Variants in TMEM108 observed in about 807,000 individuals in gnomAD.
TMEM108 encodes cancer/testis antigen 124.
TMEM108 carries 12 observed loss-of-function variants against 35.1 expected under a neutral mutation model. That is an observed-to-expected ratio of 0.34 (90% confidence interval 0.22 to 0.55). TMEM108 has a LOEUF of 0.55. Among genes scored for constraint, TMEM108 ranks in the 20% least tolerant of loss-of-function variants. The pLI, the probability that TMEM108 is intolerant of heterozygous loss-of-function variation, is 0.89. For synonymous variants in TMEM108, 287 were observed against 308.6 expected (o/e 0.93, Z 0.73); for missense variants, 680 against 753.3 (o/e 0.90, Z 1.14).
intron 1 of TMEM108, among the ~76,000 whole-genome samples, chr3:133,042,903 A>G (rs974999975): frequency 1.3e-5 from 2 of 152,236 alleles, no homozygotes; most frequent in African/African-American, 4.8e-5. Context: ...GCTGGGGCCA[A>G]GAAAATTTTC....
chr3:133,147,138 C>G (rs1205611755), intron 2 of TMEM108, among the ~76,000 whole-genome samples: 1 of 152,186 alleles, frequency 6.6e-6, no homozygotes, highest in South Asian at 2.1e-4. Flanking sequence ...TTAGCTGTGT[C>G]CCAGAGATTC....
chr3:133,089,059 T>G (rs576603667), intron 2 of TMEM108, among the ~76,000 whole-genome samples: 1 of 151,846 alleles, frequency 6.6e-6, no homozygotes, highest in East Asian at 1.9e-4. Context: ...CAGAAGTAAG[T>G]GGGGGCGGTG....
chr3:133,171,227 A>G (rs1023451081), intron 2 of TMEM108, among the ~76,000 whole-genome samples: 1 of 152,234 alleles, frequency 6.6e-6, no homozygotes, highest in African/African-American at 2.4e-5. Flanking sequence ...TTTAGTATAA[A>G]TGGATGCATG....
At chr3:133,378,831 A>G (rs1428628142) in intron 3 of TMEM108, among the ~76,000 whole-genome samples, 2 of 150,582 alleles carry the variant, frequency 1.3e-5, no homozygotes, top group Non-Finnish European at 3.0e-5. Context: ...TTAATGTTCA[A>G]AAGGGCTCCT....
chr3:133,188,636 A>G (rs150494477), intron 2 of TMEM108, among the ~76,000 whole-genome samples: 1,620 of 152,236 alleles, frequency 0.011, 35 homozygotes, highest in African/African-American at 0.036. Flanking sequence ...TCAGGACACT[A>G]TTGGCTTCCT....
chr3:133,378,940 C>T (rs1395547211), intron 3 of TMEM108, among the ~76,000 whole-genome samples: 3 of 152,070 alleles, frequency 2.0e-5, no homozygotes, highest in African/African-American at 4.8e-5. Context: ...TGACACCAGC[C>T]GGCATTTGTA....
At chr3:133,336,074 T>C (rs1877584) in intron 3 of TMEM108, among the ~76,000 whole-genome samples, 51,822 of 152,020 alleles carry the variant, frequency 0.34, 9,180 homozygotes, top group East Asian at 0.48. Flanking sequence ...TCTGGCAAGC[T>C]GCACCACTGA....
intron 2 of TMEM108, among the ~76,000 whole-genome samples, chr3:133,056,212 T>C (rs1426044825): frequency 6.7e-6 from 1 of 149,698 alleles, no homozygotes; most frequent in African/African-American, 2.5e-5. Flanking sequence ...TTCCAACTTC[T>C]CTTTCTGAAT....
intron 2 of TMEM108, among the ~76,000 whole-genome samples, chr3:133,079,826 G>C (rs1943787770): frequency 6.6e-6 from 1 of 152,164 alleles, no homozygotes; most frequent in Non-Finnish European, 1.5e-5. Context: ...GCTTGACTGT[G>C]ACCGTCTTGC....
chr3:133,374,445 AT>A (rs1448158607), intron 3 of TMEM108, among the ~76,000 whole-genome samples: 1 of 151,960 alleles, frequency 6.6e-6, no homozygotes, highest in African/African-American at 2.4e-5. Flanking sequence ...ATAAAATTCT[AT>A]TTTTATGAAT....
At chr3:133,188,216 C>A (rs886489377) in intron 2 of TMEM108, among the ~76,000 whole-genome samples, 2 of 152,142 alleles carry the variant, frequency 1.3e-5, no homozygotes, top group Admixed American at 6.6e-5. Context: ...TCGAACCAGG[C>A]GCGTCTGCAC....
At chr3:133,207,336 A>AGG (rs1945772062) in intron 2 of TMEM108, among the ~76,000 whole-genome samples, 1 of 53,204 alleles carries the variant, frequency 1.9e-5, no homozygotes, top group African/African-American at 1.1e-4. Flanking sequence ...AGTCCCAGTG[A>AGG]GGAGCCAGGT....
Position 133,309,682 on chromosome 3 carries a change from C to CTTTTTTTTTTTTTTTTTTT in TMEM108, c.41-70052_41-70034dup, listed in dbSNP as rs148272827. 2.9e-5 allele frequency among the ~76,000 whole-genome samples: 2 copies of CTTTTTTTTTTTTTTTTTTT among 69,196 alleles called. 1 individual carries two copies. Among genetic ancestry groups the CTTTTTTTTTTTTTTTTTTT allele is most frequent in the Non-Finnish European group, 5.6e-5 (2 of 35,700 alleles). 45.4% of individuals were successfully genotyped at this position (69,196 alleles called of 152,430 possible). Reference sequence around the variant, plus strand: ...TAGTTATGCGGGTTTGAGTGAGTTTCTTTTTTTTTTTTTTTTTTTTTTTTT... The same window carrying CTTTTTTTTTTTTTTTTTTT: ...TAGTTATGCGGGTTTGAGTGAGTTTCTTTTTTTTTTTTTTTTTTTTTTTTTTTTTTTTTTTTTTTTTTTT... On this transcript the variant is annotated intron_variant, in intron 3 of 5. Transcript: ENST00000321871.
chr3:133,241,609 CTTTTT>C lies in TMEM108; in HGVS notation c.40+12277_40+12281del, dbSNP rs71136458. Among the ~76,000 whole-genome samples, 21 of 76,264 alleles carry C rather than the reference CTTTTT, an allele frequency of 2.8e-4. No individual in the cohort carries two copies. In the South Asian group the frequency reaches 3.3e-3, roughly 12 times the overall value. 50.0% of individuals were successfully genotyped at this position (76,264 alleles called of 152,430 possible). On this transcript the variant is annotated intron_variant, in intron 3 of 5. Coordinates refer to ENST00000321871, the MANE Select transcript of TMEM108 (RefSeq NM_023943.4). ...GAGTGTTTGTATTAGTTTCCTGTGG[CTTTTT>C]TTTTTTTTTTTTTTTTTTGAGACAG...
intron 2 of TMEM108, among the ~76,000 whole-genome samples, chr3:133,122,862 CA>C (rs11375073): frequency 0.017 from 1,812 of 104,360 alleles, 40 homozygotes; most frequent in African/African-American, 0.063. Context: ...GACTCCATCT[CA>C]AAAAAAAAAA....
chr3:133,379,622 T>C, intron 3 of TMEM108, 130 bp from the exon 4 acceptor site: 2 of 869,476 alleles, frequency 2.3e-6, no homozygotes, highest in Non-Finnish European at 3.6e-6. Flanking sequence ...GTAGGAGCAC[T>C]AGTGTGGGCT....
chr3:133,288,620 GA>G (rs1319441672), intron 3 of TMEM108, among the ~76,000 whole-genome samples: 1 of 152,184 alleles, frequency 6.6e-6, no homozygotes, highest in African/African-American at 2.4e-5. Flanking sequence ...CCTGTCTGAT[GA>G]TGCTTCCCTG....
At chr3:133,212,815 C>T (rs1559870105) in intron 2 of TMEM108, among the ~76,000 whole-genome samples, 1 of 137,078 alleles carries the variant, frequency 7.3e-6, no homozygotes, top group African/African-American at 2.7e-5. Context: ...GCAGTAGGGC[C>T]GAAATTGCAC....
At chr3:133,091,959 C>T (rs536023838) in intron 2 of TMEM108, among the ~76,000 whole-genome samples, 5 of 152,280 alleles carry the variant, frequency 3.3e-5, no homozygotes, top group African/African-American at 1.2e-4. Context: ...GGTATCTACT[C>T]TTGCTAATCA....
Sources: gnomAD v4.1 joint callset for allele counts (sites outside exome capture counted in the v4.1 genomes callset) on GRCh38, gnomAD v4.1.1 for gene constraint, MANE v1.5 for transcripts, NCBI Gene and HGNC (gene_info 2026-07-23, HGNC 2026-07-21) for gene names.